SSC5D: variants seen among roughly 807,000 people sequenced by gnomAD.
SSC5D encodes the protein soluble scavenger receptor cysteine-rich domain-containing protein SSC5D.
In SSC5D, 106 loss-of-function variants were observed where a neutral mutation model predicts 104.6. The observed-to-expected ratio is 1.01, with a 90% CI of 0.87 to 1.19. SSC5D has a LOEUF of 1.19. SSC5D is among the 50% of genes most tolerant of loss of function. SSC5D has a pLI of 0.00. For missense variants in SSC5D, 1,993 were observed against 2,153.8 expected (o/e 0.93, Z 1.48); for synonymous variants, 860 against 883.5 (o/e 0.97, Z 0.47).
At chr19:55,496,845 G>T (rs1377336276) in intron 8 of SSC5D, among the ~76,000 whole-genome samples, 2 of 151,446 alleles carry the variant, frequency 1.3e-5, no homozygotes, top group Non-Finnish European at 2.9e-5. Context: ...CCGCCTCCCG[G>T]TTCAAGCGAT....
chr19:55,490,337 A>C lies in SSC5D; in HGVS notation c.515A>C (p.Lys172Thr). 6.7e-7 allele frequency: 1 copy of C among 1,502,684 alleles called. No homozygotes were observed. The highest frequency in any genetic ancestry group is 9.0e-7 in the Non-Finnish European group (1 of 1,108,110). 93.1% of individuals were successfully genotyped at this position (1,502,684 alleles called of 1,614,324 possible). The change falls in exon 5 of 14, where the codon AAG becomes ACG. Residue 172 changes from lysine (K) to threonine (T), a missense_variant. Physicochemically the swap from Lys to Thr is moderately conservative, Grantham distance 78 (BLOSUM62 -1). Coordinates refer to ENST00000389623, the MANE Select transcript of SSC5D (RefSeq NM_001144950.2). ...GGGAACCCCCAGAACGCCTCCCGGA[A>C]GAAGAGCCCCCGGCCCAAGCAGGCC... ...PAGNPQNASR[K>T]KSPRPKQAKS...
In SSC5D at chr19:55,491,088, GGGCTGGGGCCT is replaced by G; in HGVS notation, c.895+12_895+22del. On this transcript the variant is annotated intron_variant, in intron 6 of 13. Transcript: ENST00000389623. ...CGGGGCTGGTCTGCACCGGTACGTC[GGGCTGGGGCCT>G]GGCCCCCTCCTGTCTTCCTCAGACC... 1 of 1,545,450 alleles carries G rather than the reference GGGCTGGGGCCT, an allele frequency of 6.5e-7. No individual in the cohort carries two copies. Among genetic ancestry groups the G allele is most frequent in the South Asian group, 1.2e-5 (1 of 83,626 alleles).
At chr19:55,504,257 C>T (rs1333839693) in intron 12 of SSC5D, 3 of 1,515,262 alleles carry the variant, frequency 2.0e-6, no homozygotes, top group Non-Finnish European at 1.8e-6. Context: ...GCGGGTCCGG[C>T]CTCGGGACCC....
chr19:55,496,463 G>A (rs1987328498), intron 8 of SSC5D, among the ~76,000 whole-genome samples: 1 of 152,178 alleles, frequency 6.6e-6, no homozygotes, highest in African/African-American at 2.4e-5. Flanking sequence ...ATTCCCAGAG[G>A]TCTCGTTCCC....
chr19:55,516,350 A>T (rs1987870205), intron 13 of SSC5D, among the ~76,000 whole-genome samples: 1 of 152,092 alleles, frequency 6.6e-6, no homozygotes, highest in Non-Finnish European at 1.5e-5. Flanking sequence ...ACAAAAAATT[A>T]GCCTGGTGTG....
intron 13 of SSC5D, among the ~76,000 whole-genome samples, chr19:55,513,557 G>A (rs1014918276): frequency 5.9e-5 from 9 of 152,166 alleles, no homozygotes; most frequent in African/African-American, 1.2e-4. Flanking sequence ...GTGCCAGAGC[G>A]AGACCTTGTC....
chr19:55,490,174 C>T (rs1203711251), intron 4 of SSC5D, 124 bp from the exon 5 acceptor site: 6 of 614,438 alleles, frequency 9.8e-6, no homozygotes, highest in South Asian at 3.9e-5. Context: ...TGCCCCGCCC[C>T]GTCTCCTTCA....
intron 12 of SSC5D, among the ~76,000 whole-genome samples, chr19:55,509,299 T>C (rs1264628503): frequency 6.6e-6 from 1 of 152,252 alleles, no homozygotes; most frequent in Middle Eastern, 3.4e-3. Flanking sequence ...CCCATGCACT[T>C]AGTGGGGCAG....
intron 12 of SSC5D, among the ~76,000 whole-genome samples, chr19:55,507,665 C>CA (rs61340967): frequency 0.64 from 48,668 of 76,138 alleles, 15,490 homozygotes; most frequent in South Asian, 0.75. Context: ...GACTCCGTCT[C>CA]AAAAAAAAAA....
intron 12 of SSC5D, among the ~76,000 whole-genome samples, chr19:55,509,671 A>G (rs2123454023): frequency 6.6e-6 from 1 of 151,662 alleles, no homozygotes; most frequent in Admixed American, 6.6e-5. Flanking sequence ...AGCCTGGCCA[A>G]CATGGTTAAA....
intron 12 of SSC5D, among the ~76,000 whole-genome samples, chr19:55,506,754 A>G (rs147005541): frequency 2.0e-3 from 300 of 152,202 alleles, no homozygotes; most frequent in African/African-American, 6.9e-3. Flanking sequence ...GAGTTTGGAG[A>G]TACAAACGTC....
rs573960036 is a variant in SSC5D at position 55,503,458 on chromosome 19, C to A, written c.2785+2257C>A. Among the ~76,000 whole-genome samples the A allele has an allele frequency of 5.6e-4, 85 of 152,146 alleles. No individual in the cohort carries two copies. Among genetic ancestry groups the A allele is most frequent in the African/African-American group, 2.0e-3 (82 of 41,502 alleles). The stretch of plus-strand genomic sequence containing the variant: ...GTCTCCATCTCCCGCGCCTTCCCTG[C>A]AGTCTCCCGCGTGCTCTCTTCTCTC... On this transcript the variant is annotated intron_variant, in intron 12 of 13. Coordinates refer to ENST00000389623, the MANE Select transcript of SSC5D (RefSeq NM_001144950.2). The surrounding 1 kb of genome is among the most constrained non-coding windows in gnomAD (Gnocchi z 4.0).
intron 6 of SSC5D, among the ~76,000 whole-genome samples, chr19:55,493,376 C>T (rs922059803): frequency 8.8e-6 from 1 of 113,034 alleles, no homozygotes; most frequent in East Asian, 3.7e-4. Context: ...CCAGCGTCCC[C>T]AGCCCCCACC....
At chr19:55,515,349 T>A (rs1200287201) in intron 13 of SSC5D, among the ~76,000 whole-genome samples, 7 of 135,722 alleles carry the variant, frequency 5.2e-5, no homozygotes, top group Non-Finnish European at 1.1e-4. Flanking sequence ...CGAGCCAAGA[T>A]CGCGCCACTG....
chr19:55,518,853 C>T lies in SSC5D; in HGVS notation c.4577C>T (p.Thr1526Met), dbSNP rs535418842. Residue 1526 changes from threonine (T) to methionine (M), a missense_variant, in exon 14 of 14, where the codon ACG (threonine) becomes ATG (methionine). Transcript: ENST00000389623. ...QERQALLLGLTQLVEAARGLG... is the reference protein window; with the variant it reads ...QERQALLLGLMQLVEAARGLG... Reference sequence around the variant, plus strand: ...CGCCAAGCCCTGCTGCTGGGGCTGACGCAGCTGGTAGAAGCTGCCCGGGGT... The same window carrying T: ...CGCCAAGCCCTGCTGCTGGGGCTGATGCAGCTGGTAGAAGCTGCCCGGGGT... The T allele has an allele frequency of 7.1e-5, 110 of 1,550,302 alleles. No individual in the cohort carries two copies. The highest frequency in any genetic ancestry group is 5.9e-4 in the Admixed American group (30 of 51,002).
At chr19:55,513,822 A>G (rs1987810180) in intron 13 of SSC5D, among the ~76,000 whole-genome samples, 1 of 152,070 alleles carries the variant, frequency 6.6e-6, no homozygotes, top group South Asian at 2.1e-4. Flanking sequence ...AGGTTGAGAA[A>G]CCCCAGCCTA....
intron 8 of SSC5D, among the ~76,000 whole-genome samples, chr19:55,495,917 T>G (rs1354953102): frequency 6.7e-6 from 1 of 149,576 alleles, no homozygotes; most frequent in African/African-American, 2.5e-5. Flanking sequence ...TTTTTTTTTT[T>G]TTTTTTGTAG....
At chr19:55,516,294 G>A (rs1401717512) in intron 13 of SSC5D, among the ~76,000 whole-genome samples, 1 of 152,056 alleles carries the variant, frequency 6.6e-6, no homozygotes, top group Non-Finnish European at 1.5e-5. Flanking sequence ...TCAGGAGATC[G>A]AGACCATCCT....
chr19:55,493,954 G>C, intron 7 of SSC5D, 42 bp downstream of exon 7: 1 of 1,150,250 alleles, frequency 8.7e-7, no homozygotes, highest in Non-Finnish European at 1.2e-6. Context: ...GGGCGTGGTG[G>C]TGCTTGGAGC....
Sources: gnomAD v4.1 joint callset for allele counts (sites outside exome capture counted in the v4.1 genomes callset) on GRCh38, gnomAD v4.1.1 for gene constraint, Gnocchi (gnomAD v3.1) non-coding constraint, MANE v1.5 for transcripts, NCBI Gene and HGNC (gene_info 2026-07-23, HGNC 2026-07-21) for gene names.